The following PTPRG variants were observed in gnomAD, a reference collection of about 807,000 sequenced individuals.
The protein encoded by PTPRG is protein tyrosine phosphatase receptor type G.
Under a neutral mutation model 165.3 loss-of-function variants are expected in PTPRG, and 102 were observed. The observed-to-expected ratio is 0.62, with a 90% CI of 0.53 to 0.73. The LOEUF (loss-of-function observed/expected upper bound fraction) is 0.73. Among genes scored for constraint, PTPRG ranks in the 30% least tolerant of loss-of-function variants. The pLI is 0.00. For synonymous variants in PTPRG, 675 were observed against 669.5 expected (o/e 1.01, Z -0.13); for missense variants, 1,866 against 1,861.4 (o/e 1.00, Z -0.05).
chr3:61,578,887 GC>G (rs1312095313), intron 1 of PTPRG, among the ~76,000 whole-genome samples: 7 of 152,338 alleles, frequency 4.6e-5, no homozygotes, highest in African/African-American at 1.7e-4. Context: ...GTGGACACAT[GC>G]CCTTTGTTTG....
intron 1 of PTPRG, among the ~76,000 whole-genome samples, chr3:61,717,779 C>A (rs1254182518): frequency 1.3e-5 from 2 of 151,482 alleles, no homozygotes; most frequent in African/African-American, 4.9e-5. Context: ...CAGAGCCAGA[C>A]CCTGTCTTTA....
intron 1 of PTPRG, among the ~76,000 whole-genome samples, chr3:61,584,239 G>A (rs1392960000): frequency 2.0e-5 from 3 of 152,168 alleles, no homozygotes; most frequent in African/African-American, 7.2e-5. Flanking sequence ...AACATTTAGA[G>A]CCTGAATTAA....
At chr3:62,072,668 A>G (rs1701250526) in intron 4 of PTPRG, among the ~76,000 whole-genome samples, 1 of 151,736 alleles carries the variant, frequency 6.6e-6, no homozygotes, top group African/African-American at 2.4e-5. Context: ...CATATATAGT[A>G]TCTGCTATCT....
intron 2 of PTPRG, among the ~76,000 whole-genome samples, chr3:61,918,379 C>A (rs561800348): frequency 5.3e-5 from 8 of 151,218 alleles, no homozygotes; most frequent in African/African-American, 1.9e-4. Context: ...TATATATACA[C>A]ACACACAGAG....
intron 1 of PTPRG, among the ~76,000 whole-genome samples, chr3:61,600,192 A>ATGTGTGTGTGTGTGTGTGTGTG (rs1258297289): frequency 2.4e-4 from 26 of 106,632 alleles, no homozygotes; most frequent in East Asian, 5.8e-4. Context: ...ATATATATAT[A>ATGTGTGTGTGTGTGTGTGTGTG]TGTGTGTGTG....
At chr3:62,112,899 C>T (rs1199677306) in intron 5 of PTPRG, among the ~76,000 whole-genome samples, 2 of 152,130 alleles carry the variant, frequency 1.3e-5, no homozygotes, top group Non-Finnish European at 2.9e-5. Flanking sequence ...TCTTCTTCTG[C>T]GACTGTTTCT....
chr3:61,723,391 A>G (rs1057229330), intron 1 of PTPRG, among the ~76,000 whole-genome samples: 4 of 151,974 alleles, frequency 2.6e-5, no homozygotes, highest in Non-Finnish European at 5.9e-5. Context: ...CCCCCTTGGT[A>G]TTACCATTAT....
In PTPRG at chr3:62,296,775, G is replaced by A. The variant is rs1222505923; in HGVS notation, c.*3468G>A. 6.6e-6 allele frequency: 1 copy of A among 151,876 alleles called. No homozygotes were observed. The highest frequency in any genetic ancestry group is 1.5e-5 in the Non-Finnish European group (1 of 67,934). 9.4% of individuals were successfully genotyped at this position (151,876 alleles called of 1,614,324 possible). On this transcript the variant is annotated 3_prime_UTR_variant, in exon 30 of 30. Coordinates refer to ENST00000474889, the MANE Select transcript of PTPRG (RefSeq NM_002841.4). ...AAGAAGGCATGCTACAAATAGGAAG[G>A]AATTGTAATAATGATATTTGGCCTC...
At chr3:62,079,249 C>A (rs1271038584) in intron 5 of PTPRG, among the ~76,000 whole-genome samples, 2 of 152,158 alleles carry the variant, frequency 1.3e-5, no homozygotes, top group African/African-American at 4.8e-5. Context: ...CTACATTTCT[C>A]CCTTTTCTCA....
intron 2 of PTPRG, among the ~76,000 whole-genome samples, chr3:61,758,692 A>G (rs774955162): frequency 5.9e-5 from 9 of 152,158 alleles, no homozygotes; most frequent in Admixed American, 3.3e-4. Context: ...ACCTCAGGTG[A>G]TCCGCCCACC....
chr3:62,025,484 G>C (rs2041784772), intron 4 of PTPRG, among the ~76,000 whole-genome samples: 1 of 151,926 alleles, frequency 6.6e-6, no homozygotes, highest in Admixed American at 6.6e-5. Flanking sequence ...TTATTTTACA[G>C]TAACCAAATT....
rs1701269542 is a variant in PTPRG at position 62,245,500 on chromosome 3, A to C, written c.2467+1602A>C. 6.6e-6 allele frequency among the ~76,000 whole-genome samples: 1 copy of C among 152,114 alleles called. No individual in the cohort carries two copies. The highest frequency in any genetic ancestry group is 2.1e-4 in the South Asian group (1 of 4,824). ...TTTTTGAAGAGTTAAATGGTGAAATACTTACTGGGCTGTTTTTCCATTTCT... is the reference window on the plus strand; with the variant it reads ...TTTTTGAAGAGTTAAATGGTGAAATCCTTACTGGGCTGTTTTTCCATTTCT... On this transcript the variant is annotated intron_variant, in intron 15 of 29. Transcript: ENST00000474889. This position sits in a 1 kb window ranked among gnomAD's most constrained non-coding sequence, Gnocchi z 4.2.
Position 61,917,064 on chromosome 3 carries a change from C to G in PTPRG, c.191-72561C>G, listed in dbSNP as rs141785660. 8.5e-5 allele frequency among the ~76,000 whole-genome samples: 13 copies of G among 152,292 alleles called. No homozygotes were observed. The East Asian group carries it at 2.5e-3, about 29-fold the overall frequency. On this transcript the variant is annotated intron_variant, in intron 2 of 29. Coordinates refer to ENST00000474889, the MANE Select transcript of PTPRG (RefSeq NM_002841.4). ...TGTGGGGACTGGAATGCTACGGAATCAGCTCTACTGGCTGATGGCAGATGC... is the reference window on the plus strand; with the variant it reads ...TGTGGGGACTGGAATGCTACGGAATGAGCTCTACTGGCTGATGGCAGATGC...
At chr3:61,847,237 C>CA (rs1374670969) in intron 2 of PTPRG, among the ~76,000 whole-genome samples, 1 of 152,146 alleles carries the variant, frequency 6.6e-6, no homozygotes, top group African/African-American at 2.4e-5. Context: ...GATGGAGATA[C>CA]AAGCACACGG....
At chr3:61,613,748 A>G (rs1263278993) in intron 1 of PTPRG, among the ~76,000 whole-genome samples, 1 of 152,198 alleles carries the variant, frequency 6.6e-6, no homozygotes, top group Non-Finnish European at 1.5e-5. Context: ...AGACCTCCTA[A>G]TAGAAGAGGG....
At chr3:62,290,449 A>G (rs1047121198) in intron 28 of PTPRG, among the ~76,000 whole-genome samples, 37 of 152,206 alleles carry the variant, frequency 2.4e-4, no homozygotes, top group Admixed American at 2.3e-3. Flanking sequence ...AATGAAAATT[A>G]TATGTTTGAA....
Position 61,944,374 on chromosome 3 carries a change from T to A in PTPRG, c.191-45251T>A, listed in dbSNP as rs72884147. On this transcript the variant is annotated intron_variant, in intron 2 of 29. Transcript: ENST00000474889. ...CCTGTTCTTAAGATTGGCAGTGGGA[T>A]TCTTCTTGGCTTGTGGCATTGTACA... Among the ~76,000 whole-genome samples, 758 of 152,306 alleles carry A rather than the reference T, an allele frequency of 5.0e-3. 8 individuals carry two copies. Among genetic ancestry groups the A allele is most frequent in the African/African-American group, 0.017 (725 of 41,560 alleles).
rs775745131 is a variant in PTPRG at position 61,804,585 on chromosome 3, T to TA, written c.190+55607dup. 2.6e-5 allele frequency among the ~76,000 whole-genome samples: 4 copies of TA among 152,130 alleles called. No individual in the cohort carries two copies. The South Asian group carries it at 6.2e-4, about 24-fold the overall frequency. On this transcript the variant is annotated intron_variant, in intron 2 of 29. Transcript: ENST00000474889. ...AGTGTCTTTCTGTTTAAGGATAGCA[T>TA]AAAAGTGCTGATTGTTAACTTCACT...
In PTPRG at chr3:62,255,129, A is replaced by G; in HGVS notation, c.2473A>G (p.Met825Val). The G allele has an allele frequency of 1.2e-6, 2 of 1,612,122 alleles. No individual in the cohort carries two copies. The highest frequency in any genetic ancestry group is 1.7e-6 in the Non-Finnish European group (2 of 1,178,724). ...TATTATTTTATTCCCCCCAGATGAC[A>G]TGGAAGCCATTCCTGTCAAACAGTT... ...SIPIIPIPDDMEAIPVKQFVK... is the reference protein window; with the variant it reads ...SIPIIPIPDDVEAIPVKQFVK... Residue 825 changes from methionine (M) to valine (V), a missense_variant, in exon 16 of 30, where the codon ATG becomes GTG. Met to Val is a conservative substitution (Grantham distance 21, BLOSUM62 1). Around this residue, in one of 3 missense-constraint regions of PTPRG, gnomAD observed 1,452 missense variants for 1,463.0 expected, o/e 0.99. Transcript: ENST00000474889. The surrounding 1 kb of genome is among the most constrained non-coding windows in gnomAD (Gnocchi z 4.0).
Sources: gnomAD v4.1 joint callset for allele counts (sites outside exome capture counted in the v4.1 genomes callset) on GRCh38, gnomAD v4.1.1 for gene constraint, gnomAD v4.1.1 regional missense constraint, Gnocchi (gnomAD v3.1) non-coding constraint, MANE v1.5 for transcripts, NCBI Gene and HGNC (gene_info 2026-07-23, HGNC 2026-07-21) for gene names.